The following MMP26 variants were observed in gnomAD, a reference collection of about 807,000 sequenced individuals.
MMP26 encodes the protein matrix metallopeptidase 26, also known as matrix metalloproteinase-26.
MMP26 carries 33 observed loss-of-function variants against 31.0 expected under a neutral mutation model. That is an observed-to-expected ratio of 1.06 (90% CI 0.81 to 1.42). The LOEUF (loss-of-function observed/expected upper bound fraction) is 1.42. Ranked by LOEUF, MMP26 falls within the 40% of genes most tolerant of loss-of-function variation. The pLI is 0.00. For synonymous variants in MMP26, 122 were observed against 114.9 expected (o/e 1.06, Z -0.40); for missense variants, 347 against 316.1 (o/e 1.10, Z -0.74).
chr11:4,756,957 G>A, intron 1 of MMP26, among the ~76,000 whole-genome samples: 1 of 152,208 alleles, frequency 6.6e-6, no homozygotes, highest in African/African-American at 2.4e-5. Context: ...CCTTAATGGA[G>A]CTATAAATTT....
At chr11:4,716,527 G>T (rs112009329) in intron 1 of MMP26, among the ~76,000 whole-genome samples, 1 of 150,986 alleles carries the variant, frequency 6.6e-6, no homozygotes, top group East Asian at 2.0e-4. Context: ...CGTTGTTCTT[G>T]TTGTTTTTAA....
intron 2 of MMP26, chr11:4,924,158 A>C: frequency 6.2e-7 from 1 of 1,614,118 alleles, no homozygotes; most frequent in Non-Finnish European, 8.5e-7. Context: ...GAAATAGTAC[A>C]TGGGTCCATG....
At position 4,949,411 on chromosome 11, in the gene MMP26, A is replaced by C. The variant is rs1044698783; in HGVS notation, c.-144-38657A>C. 2.4e-5 allele frequency among the ~76,000 whole-genome samples: 3 copies of C among 123,402 alleles called. 1 individual carries two copies. Among genetic ancestry groups the C allele is most frequent in the Non-Finnish European group, 5.5e-5 (3 of 54,654 alleles). 81.0% of individuals were successfully genotyped at this position (123,402 alleles called of 152,430 possible). A position where few individuals can be genotyped will look rare whatever the true frequency, so the allele number is the denominator to read the frequency against. ...ATTATAATAATAAAATGAGGCATGT[A>C]TATTAATTATTAATATCTCATTCTA... On this transcript the variant is annotated intron_variant, in intron 2 of 7. Coordinates refer to ENST00000380390, the MANE Select transcript of MMP26 (RefSeq NM_021801.5).
chr11:4,885,283 A>G (rs941787358), intron 2 of MMP26, among the ~76,000 whole-genome samples: 8 of 152,124 alleles, frequency 5.3e-5, no homozygotes, highest in African/African-American at 1.9e-4. Context: ...TTTAAAATCT[A>G]ATACCAATTA....
At chr11:4,818,679 T>C (rs1444431476) in intron 2 of MMP26, among the ~76,000 whole-genome samples, 1 of 152,178 alleles carries the variant, frequency 6.6e-6, no homozygotes, top group Non-Finnish European at 1.5e-5. Context: ...TGTAAGTTGT[T>C]TTGGATGTCA....
chr11:4,759,111 C>CAAAAAAAAAAAAAAAAAAAAAA (rs989730402), intron 1 of MMP26, among the ~76,000 whole-genome samples: 1 of 43,204 alleles, frequency 2.3e-5, no homozygotes, highest in Non-Finnish European at 4.6e-5. Context: ...CATTCCATCT[C>CAAAAAAAAAAAAAAAAAAAAAA]AAAAAAAAAA....
At chr11:4,930,257 CGTAAAGAT>C (rs1851328044) in intron 2 of MMP26, among the ~76,000 whole-genome samples, 1 of 151,986 alleles carries the variant, frequency 6.6e-6, no homozygotes, top group East Asian at 1.9e-4. Flanking sequence ...GTGTAATAGA[CGTAAAGAT>C]GTGCTTCTCA....
At chr11:4,944,234 TA>T (rs149756241) in intron 2 of MMP26, 6,426 of 358,778 alleles carry the variant, frequency 0.018, 86 homozygotes, top group Middle Eastern at 0.043. Flanking sequence ...GTCCTGAATT[TA>T]AAAACTAAAA....
chr11:4,738,913 GC>G (rs1201653233), intron 1 of MMP26, among the ~76,000 whole-genome samples: 1 of 152,066 alleles, frequency 6.6e-6, no homozygotes, highest in East Asian at 1.9e-4. Context: ...AGTCAAAATA[GC>G]CCATTTGCTA....
chr11:4,944,071 G>C (rs2605303), intron 2 of MMP26: 1 of 448,578 alleles, frequency 2.2e-6, no homozygotes. Context: ...ACTACTGCTT[G>C]GTTGTACTAC....
chr11:4,751,866 T>C (rs1848450150), intron 1 of MMP26, among the ~76,000 whole-genome samples: 1 of 152,126 alleles, frequency 6.6e-6, no homozygotes, highest in Non-Finnish European at 1.5e-5. Flanking sequence ...AGTATTTTGA[T>C]GGTAGAAAAG....
At chr11:4,852,476 C>T (rs1849988718) in intron 2 of MMP26, among the ~76,000 whole-genome samples, 2 of 152,070 alleles carry the variant, frequency 1.3e-5, no homozygotes, top group South Asian at 4.1e-4. Flanking sequence ...TTAAAATATT[C>T]ATATCATACA....
intron 1 of MMP26, among the ~76,000 whole-genome samples, chr11:4,761,899 T>C (rs1397884672): frequency 6.6e-6 from 1 of 152,048 alleles, no homozygotes; most frequent in South Asian, 2.1e-4. Flanking sequence ...CAATATAGAA[T>C]GATCAAGTCA....
chr11:4,950,002 C>A (rs7927808), intron 2 of MMP26, among the ~76,000 whole-genome samples: 2,031 of 122,690 alleles, frequency 0.017, 457 homozygotes, highest in African/African-American at 0.053. Flanking sequence ...ACCCAGGGAG[C>A]TCTCAAAAGT....
At chr11:4,977,791 C>T (rs548122094) in intron 2 of MMP26, among the ~76,000 whole-genome samples, 27 of 152,222 alleles carry the variant, frequency 1.8e-4, no homozygotes, top group Non-Finnish European at 2.9e-4. Context: ...TATACTATCC[C>T]TCTCCTCTAC....
intron 2 of MMP26, among the ~76,000 whole-genome samples, chr11:4,981,557 G>A (rs1846813804): frequency 6.6e-6 from 1 of 152,072 alleles, no homozygotes; most frequent in African/African-American, 2.4e-5. Flanking sequence ...GGGCCTAGAG[G>A]TTGCTCTGGG....
At chr11:4,720,347 G>A (rs1847993318) in intron 1 of MMP26, among the ~76,000 whole-genome samples, 2 of 152,150 alleles carry the variant, frequency 1.3e-5, no homozygotes, top group African/African-American at 2.4e-5. Context: ...TTTCTGTAAG[G>A]CCTCAAGGTT....
chr11:4,753,559 T>C (rs1363654204), intron 1 of MMP26, among the ~76,000 whole-genome samples: 1 of 152,148 alleles, frequency 6.6e-6, no homozygotes, highest in Non-Finnish European at 1.5e-5. Flanking sequence ...TATGCATTTG[T>C]CACTTGATTT....
In MMP26 at chr11:4,723,775, C is replaced by T. The variant is rs1848054735; in HGVS notation, c.-217+18730C>T. The T allele has an allele frequency of 2.9e-5, 44 of 1,532,138 alleles. No individual in the cohort carries two copies. In the South Asian group the frequency reaches 3.7e-4, roughly 13 times the overall value. The allele number at this position is 1,532,138 out of a possible 1,614,324, so 94.9% of individuals were successfully genotyped here. A position where few individuals can be genotyped will look rare whatever the true frequency, so the allele number is the denominator to read the frequency against. ...CTCGAACATGTTGTCCATGTTGCTC[C>T]GAGCTGTCTTCTGCTGCTGCAGGAG... On this transcript the variant is annotated intron_variant, in intron 1 of 7. Coordinates refer to ENST00000380390, the MANE Select transcript of MMP26 (RefSeq NM_021801.5).
Sources: gnomAD v4.1 joint callset for allele counts (sites outside exome capture counted in the v4.1 genomes callset) on GRCh38, gnomAD v4.1.1 for gene constraint, MANE v1.5 for transcripts, NCBI Gene and HGNC (gene_info 2026-07-23, HGNC 2026-07-21) for gene names.